The following DENND3 variants were observed in gnomAD, a reference collection of about 807,000 sequenced individuals.
The protein encoded by DENND3 is DENN domain-containing protein 3.
A neutral mutation model predicts 135.1 loss-of-function variants in DENND3; 88 were observed. That is an observed-to-expected ratio of 0.65 (90% CI 0.55 to 0.78). The LOEUF is 0.78. Among genes scored for constraint, DENND3 ranks in the 30% least tolerant of loss-of-function variants. The pLI, the probability that DENND3 is intolerant of heterozygous loss-of-function variation, is 0.00. For missense variants in DENND3, 1,392 were observed against 1,688.4 expected (o/e 0.82, Z 3.08); for synonymous variants, 693 against 712.3 (o/e 0.97, Z 0.43).
In DENND3 at chr8:141,194,080, A is replaced by G. The variant is rs1825116064; in HGVS notation, c.3684A>G (p.Lys1228=). The stretch of plus-strand genomic sequence containing the variant: ...TGGGGCAGGGAACACCCAAGGGGAA[A>G]ATCTACGTGATTGACGCCGAGAGGA... ...RGLGQGTPKG[K]IYVIDAERKT... is the part of the protein sequence containing the mutation. The change falls in exon 23 of 23, where the codon AAA becomes AAG. Residue 1228 remains lysine (K), a synonymous_variant. Transcript: ENST00000519811. 2 of 1,613,874 alleles carry G rather than the reference A, an allele frequency of 1.2e-6. No homozygotes were observed. Among genetic ancestry groups the G allele is most frequent in the Non-Finnish European group, 1.7e-6 (2 of 1,180,002 alleles).
intron 18 of DENND3, chr8:141,188,508 T>G (rs1824230800): frequency 1.3e-5 from 2 of 150,874 alleles, no homozygotes; most frequent in African/African-American, 5.3e-5. Flanking sequence ...GGGGAAAAAC[T>G]TGAGTCACCT....
chr8:141,161,099 C>A (rs1820079652), intron 9 of DENND3, among the ~76,000 whole-genome samples: 1 of 152,148 alleles, frequency 6.6e-6, no homozygotes, highest in Non-Finnish European at 1.5e-5. Context: ...CCTGGTGACC[C>A]CCTGCAGGTG....
chr8:141,171,949 G>T (rs1821632102), intron 13 of DENND3, among the ~76,000 whole-genome samples: 1 of 149,574 alleles, frequency 6.7e-6, no homozygotes, highest in Admixed American at 6.6e-5. Context: ...GCAGTGTCTG[G>T]GTGTGCACTG....
In DENND3 at chr8:141,163,324, C is replaced by T. The variant is rs1419981465; in HGVS notation, c.1353-9C>T. On this transcript the variant is annotated splice_polypyrimidine_tract_variant and intron_variant, in intron 9 of 22. Coordinates refer to ENST00000519811, the MANE Select transcript of DENND3 (RefSeq NM_001352890.3). ...GTTTTAGCACTCAGACTCTCTTTCTCTTTGTTAGGGATGTAAAGAATCATT... is the reference window on the plus strand; with the variant it reads ...GTTTTAGCACTCAGACTCTCTTTCTTTTTGTTAGGGATGTAAAGAATCATT... 2 of 1,549,008 alleles carry T rather than the reference C, an allele frequency of 1.3e-6. No individual in the cohort carries two copies. The highest frequency in any genetic ancestry group is 2.3e-5 in the East Asian group (1 of 44,376).
In DENND3 at chr8:141,128,737, G is replaced by A. The variant is rs1335357086; in HGVS notation, c.30G>A (p.Ser10=). 1.4e-6 allele frequency: 2 copies of A among 1,442,080 alleles called. No individual in the cohort carries two copies. Among genetic ancestry groups the A allele is most frequent in the East Asian group, 3.0e-5 (1 of 33,154 alleles). The allele number at this position is 1,442,080 out of a possible 1,614,324, so 89.3% of individuals were successfully genotyped here. A position where few individuals can be genotyped will look rare whatever the true frequency, so the allele number is the denominator to read the frequency against. Reference sequence around the variant, plus strand: ...CGGAGGCCGCGTCGCCGCACTTGTCGCTGCCCTCGGGGCTGCTGGAGCTCT... The same window carrying A: ...CGGAGGCCGCGTCGCCGCACTTGTCACTGCCCTCGGGGCTGCTGGAGCTCT... The part of the protein sequence containing the change: MAEAASPHL[S]LPSGLLELCA... Residue 10 remains serine (S), a synonymous_variant, in exon 1 of 23, where the codon TCG becomes TCA. Transcript: ENST00000519811. This position sits in a 1 kb window ranked among gnomAD's most constrained non-coding sequence, Gnocchi z 4.5.
chr8:141,187,019 G>C (rs1823979737), intron 18 of DENND3, among the ~76,000 whole-genome samples: 1 of 152,152 alleles, frequency 6.6e-6, no homozygotes, highest in Admixed American at 6.5e-5. Flanking sequence ...CTTGCTCATG[G>C]ATTTGCAGAT....
At chr8:141,173,271 G>C (rs1821883510) in intron 13 of DENND3, among the ~76,000 whole-genome samples, 1 of 152,234 alleles carries the variant, frequency 6.6e-6, no homozygotes, top group African/African-American at 2.4e-5. Flanking sequence ...ATTGCACTAG[G>C]CCTACAGAGA....
Position 141,136,092 on chromosome 8 carries a change from G to A in DENND3, c.103-417G>A, listed in dbSNP as rs147885414. 7.8e-3 allele frequency among the ~76,000 whole-genome samples: 1,155 copies of A among 147,698 alleles called. 17 individuals carry two copies. The highest frequency in any genetic ancestry group is 0.027 in the African/African-American group (1,100 of 40,384). ...GCTCCTGGCAGCCCCGCTGGGCTGAGTACCGGACCCACATTGTCTCTGTTA... is the reference window on the plus strand; with the variant it reads ...GCTCCTGGCAGCCCCGCTGGGCTGAATACCGGACCCACATTGTCTCTGTTA... On this transcript the variant is annotated intron_variant, in intron 1 of 22. Coordinates refer to ENST00000519811, the MANE Select transcript of DENND3 (RefSeq NM_001352890.3).
chr8:141,150,870 G>A lies in DENND3; in HGVS notation c.772G>A (p.Ala258Thr), dbSNP rs910015883. 5 of 1,608,930 alleles carry A rather than the reference G, an allele frequency of 3.1e-6. No individual in the cohort carries two copies. The highest frequency in any genetic ancestry group is 3.4e-6 in the Non-Finnish European group (4 of 1,178,682). The change falls in exon 6 of 23, where the codon GCC becomes ACC. Residue 258 changes from alanine (A) to threonine (T), a missense_variant. Physicochemically the swap from Ala to Thr is moderately conservative, Grantham distance 58. Coordinates refer to ENST00000519811, the MANE Select transcript of DENND3 (RefSeq NM_001352890.3). The part of the protein sequence containing the change: ...NMKSLQIVLP[A>T]RADPESPILD... ...GAAGTCGCTCCAGATTGTGTTACCT[G>A]CCCGAGCAGACCCCGAAAGCCCCAT...
At chr8:141,148,214 C>T (rs577030927) in intron 5 of DENND3, among the ~76,000 whole-genome samples, 15 of 152,178 alleles carry the variant, frequency 9.9e-5, no homozygotes, top group African/African-American at 2.4e-4. Context: ...ACTTCTGGTC[C>T]GGGTTATCTC....
chr8:141,176,863 C>A, intron 15 of DENND3, 102 bp downstream of exon 15: 1 of 1,355,638 alleles, frequency 7.4e-7, no homozygotes, highest in Non-Finnish European at 1.0e-6. Flanking sequence ...TGCTCGGGCT[C>A]GGGTCTGAGT....
intron 16 of DENND3, among the ~76,000 whole-genome samples, chr8:141,179,929 G>A (rs901253702): frequency 5.9e-5 from 9 of 152,182 alleles, no homozygotes; most frequent in African/African-American, 2.2e-4. Context: ...CGAGGCGCCC[G>A]CAGGGGCTGG....
intron 7 of DENND3, 53 bp downstream of exon 7, chr8:141,151,890 G>T: frequency 6.3e-7 from 1 of 1,589,918 alleles, no homozygotes; most frequent in Non-Finnish European, 8.6e-7. Context: ...AGTCCATCAC[G>T]GGGACACATG....
chr8:141,150,145 C>T (rs945459803), intron 5 of DENND3: 2 of 343,414 alleles, frequency 5.8e-6, no homozygotes, highest in East Asian at 1.7e-4. Flanking sequence ...CCGAGCTGGG[C>T]ACCCAGCATT....
rs895570133 is a variant in DENND3 at position 141,137,322 on chromosome 8, G to T, written c.385+531G>T. Among the ~76,000 whole-genome samples, 2 of 152,190 alleles carry T rather than the reference G, an allele frequency of 1.3e-5. No homozygotes were observed. Among genetic ancestry groups the T allele is most frequent in the African/African-American group, 4.8e-5 (2 of 41,430 alleles). ...AGCTGAAGGAAATGTAAATCATTGC[G>T]TGTGGTCCCGGTGTTTTGGAGAATT... On this transcript the variant is annotated intron_variant, in intron 2 of 22. Transcript: ENST00000519811. This position sits in a 1 kb window ranked among gnomAD's most constrained non-coding sequence, Gnocchi z 4.1.
intron 16 of DENND3, 67 bp downstream of exon 16, chr8:141,178,263 T>G (rs1175222180): frequency 2.6e-6 from 4 of 1,553,240 alleles, no homozygotes; most frequent in Non-Finnish European, 3.5e-6. Flanking sequence ...TTTTATCTGG[T>G]CGATGTCTGT....
At chr8:141,136,105 A>G (rs2154612691) in intron 1 of DENND3, among the ~76,000 whole-genome samples, 1 of 152,266 alleles carries the variant, frequency 6.6e-6, no homozygotes, top group East Asian at 1.9e-4. Context: ...CCGGACCCAC[A>G]TTGTCTCTGT....
chr8:141,160,107 A>G (rs1049222621), intron 8 of DENND3, among the ~76,000 whole-genome samples: 2 of 151,844 alleles, frequency 1.3e-5, no homozygotes, highest in East Asian at 3.9e-4. Flanking sequence ...AAGTGTGCAT[A>G]GTCCAAGTCG....
rs768168036 is a variant in DENND3, at chr8:141,175,411, C to G, written c.2487C>G (p.Thr829=). The G allele has an allele frequency of 6.8e-6, 11 of 1,614,016 alleles. No homozygotes were observed. The highest frequency in any genetic ancestry group is 7.6e-6 in the Non-Finnish European group (9 of 1,180,038). The change falls in exon 14 of 23, where the codon ACC becomes ACG. Residue 829 remains threonine (T), a synonymous_variant. Transcript: ENST00000519811. This position sits in a 1 kb window ranked among gnomAD's most constrained non-coding sequence, Gnocchi z 5.4. ...AMTQKRLFLL[T]EGRPGYLEIS... is the part of the protein sequence containing the mutation. Reference sequence around the variant, plus strand: ...CCCAGAAGCGCCTGTTCCTCCTAACCGAAGGAAGGCCAGGCTACTTGGAGA... The same window carrying G: ...CCCAGAAGCGCCTGTTCCTCCTAACGGAAGGAAGGCCAGGCTACTTGGAGA...
Sources: allele counts gnomAD v4.1 joint callset (sites outside exome capture counted in the v4.1 genomes callset), GRCh38; gene constraint gnomAD v4.1.1; non-coding constraint Gnocchi (gnomAD v3.1); transcripts MANE v1.5; gene names NCBI Gene and HGNC (gene_info 2026-07-23, HGNC 2026-07-21).